Variants in CDH13 observed in about 807,000 individuals in gnomAD.
The protein encoded by CDH13 is cadherin-13.
Under a neutral mutation model 63.8 loss-of-function variants are expected in CDH13, and 24 were observed. That is an observed-to-expected ratio of 0.38 (90% CI 0.27 to 0.53). The LOEUF is 0.53. Ranked by LOEUF, CDH13 falls within the 20% of genes least tolerant of loss-of-function variation. The pLI is 0.85. For synonymous variants in CDH13, 503 were observed against 355.3 expected (o/e 1.42, Z -4.67); for missense variants, 1,049 against 903.1 (o/e 1.16, Z -2.07).
chr16:83,030,096 C>A (rs553605438), intron 2 of CDH13, among the ~76,000 whole-genome samples: 1 of 152,082 alleles, frequency 6.6e-6, no homozygotes, highest in Non-Finnish European at 1.5e-5. Context: ...GTGTCAATGC[C>A]CTGTGCTCCA....
At chr16:82,741,049 C>A (rs1044991119) in intron 1 of CDH13, among the ~76,000 whole-genome samples, 1 of 152,236 alleles carries the variant, frequency 6.6e-6, no homozygotes, top group Non-Finnish European at 1.5e-5. Flanking sequence ...ACCTAGTATA[C>A]ATACTCTCTC....
chr16:83,270,019 C>A (rs1294721041), intron 5 of CDH13, among the ~76,000 whole-genome samples: 1 of 152,136 alleles, frequency 6.6e-6, no homozygotes, highest in East Asian at 1.9e-4. Flanking sequence ...AATAGATCTT[C>A]TGCAACATTT....
At chr16:83,672,316 G>C (rs1914565931) in intron 9 of CDH13, among the ~76,000 whole-genome samples, 1 of 146,236 alleles carries the variant, frequency 6.8e-6, no homozygotes, top group Non-Finnish European at 1.5e-5. Context: ...AGTAGATTCT[G>C]TGTCTAGTGA....
At chr16:82,866,862 A>C (rs550805012) in intron 2 of CDH13, among the ~76,000 whole-genome samples, 1 of 152,170 alleles carries the variant, frequency 6.6e-6, no homozygotes, top group African/African-American at 2.4e-5. Flanking sequence ...CGAGAGCAGC[A>C]TAGAGGAAAC....
At chr16:83,259,822 T>C (rs1906743723) in intron 5 of CDH13, among the ~76,000 whole-genome samples, 1 of 152,134 alleles carries the variant, frequency 6.6e-6, no homozygotes, top group Non-Finnish European at 1.5e-5. Flanking sequence ...CTACCTTTCA[T>C]GTTTCCAGCA....
chr16:83,287,634 C>T (rs1360327992), intron 5 of CDH13, among the ~76,000 whole-genome samples: 3 of 152,134 alleles, frequency 2.0e-5, no homozygotes, highest in Admixed American at 6.5e-5. Flanking sequence ...AAACCAAGCT[C>T]AGGGCTCTCA....
At chr16:83,140,926 A>G (rs1431500390) in intron 4 of CDH13, among the ~76,000 whole-genome samples, 5 of 152,238 alleles carry the variant, frequency 3.3e-5, no homozygotes, top group South Asian at 4.1e-4. Flanking sequence ...GATCTGCCAC[A>G]TGAAAAATGA....
chr16:82,929,240 G>GGT (rs1056863117), intron 2 of CDH13, among the ~76,000 whole-genome samples: 14 of 152,226 alleles, frequency 9.2e-5, no homozygotes, highest in African/African-American at 3.4e-4. Context: ...GGTGTCTGGA[G>GGT]GTAGGGCTTT....
At chr16:82,801,433 G>C (rs1472734598) in intron 1 of CDH13, among the ~76,000 whole-genome samples, 1 of 152,174 alleles carries the variant, frequency 6.6e-6, no homozygotes, top group Admixed American at 6.5e-5. Context: ...GAACCAGCTA[G>C]CTTTGTGCAA....
intron 3 of CDH13, among the ~76,000 whole-genome samples, chr16:83,038,083 G>A (rs557191870): frequency 3.9e-5 from 6 of 152,236 alleles, no homozygotes; most frequent in East Asian, 1.9e-4. Context: ...AGGTGGGACC[G>A]CCAGCCTAAC....
intron 7 of CDH13, among the ~76,000 whole-genome samples, chr16:83,591,441 C>A (rs767215637): frequency 6.6e-6 from 1 of 152,232 alleles, no homozygotes; most frequent in African/African-American, 2.4e-5. Flanking sequence ...CAGCCATGTG[C>A]TCCTGGGATT....
chr16:83,291,477 G>A (rs2089464910), intron 5 of CDH13, among the ~76,000 whole-genome samples: 1 of 152,178 alleles, frequency 6.6e-6, no homozygotes. Flanking sequence ...TTGGGACAAA[G>A]TCATCATTAG....
At chr16:83,221,546 T>C (rs1474563007) in intron 5 of CDH13, among the ~76,000 whole-genome samples, 9 of 151,916 alleles carry the variant, frequency 5.9e-5, no homozygotes, top group African/African-American at 1.9e-4. Context: ...TATTAGCAGG[T>C]GGTAATGATT....
At chr16:83,265,904 C>G (rs56384127) in intron 5 of CDH13, among the ~76,000 whole-genome samples, 4 of 151,624 alleles carry the variant, frequency 2.6e-5, no homozygotes, top group Admixed American at 1.3e-4. Flanking sequence ...GGTTGGGACT[C>G]CACCATCAGT....
At chr16:82,782,132 C>T (rs542554695) in intron 1 of CDH13, among the ~76,000 whole-genome samples, 2 of 152,252 alleles carry the variant, frequency 1.3e-5, no homozygotes, top group East Asian at 1.9e-4. Context: ...TAGGAGGGGG[C>T]CTCTACCAGG....
In CDH13 at chr16:83,278,451, C is replaced by T. The variant is rs1319976159; in HGVS notation, c.636+60954C>T. The stretch of plus-strand genomic sequence containing the variant: ...AAGGTTTAATGAATGGCTTGGAGGA[C>T]GTGCAAAGCCAAGCCCTGACTTGCC... On this transcript the variant is annotated intron_variant, in intron 5 of 13. Coordinates refer to ENST00000567109, the MANE Select transcript of CDH13 (RefSeq NM_001257.5). Among the ~76,000 whole-genome samples, 6 of 152,132 alleles carry T rather than the reference C, an allele frequency of 3.9e-5. No homozygotes were observed. The East Asian group carries it at 7.7e-4, about 20-fold the overall frequency.
chr16:82,882,064 GAGTC>G (rs1218758089), intron 2 of CDH13, among the ~76,000 whole-genome samples: 24 of 152,212 alleles, frequency 1.6e-4, no homozygotes, highest in Admixed American at 2.6e-4. Flanking sequence ...AGGTATGAGT[GAGTC>G]CTCAGCTCAG....
chr16:82,790,424 G>A (rs1017228637), intron 1 of CDH13, among the ~76,000 whole-genome samples: 1 of 152,134 alleles, frequency 6.6e-6, no homozygotes, highest in Non-Finnish European at 1.5e-5. Flanking sequence ...GACAGAGTGA[G>A]ACTCTGTCTC....
At chr16:83,024,825 C>T (rs1056266191) in intron 2 of CDH13, among the ~76,000 whole-genome samples, 9 of 152,198 alleles carry the variant, frequency 5.9e-5, no homozygotes, top group African/African-American at 1.9e-4. Flanking sequence ...TGTAATTTCA[C>T]TCCTTTAATA....
Sources: gnomAD v4.1 joint callset for allele counts (sites outside exome capture counted in the v4.1 genomes callset) on GRCh38, gnomAD v4.1.1 for gene constraint, MANE v1.5 for transcripts, NCBI Gene and HGNC (gene_info 2026-07-23, HGNC 2026-07-21) for gene names.